The following SHROOM3 variants were observed in gnomAD, a reference collection of about 807,000 sequenced individuals.
SHROOM3 encodes the protein protein Shroom3.
SHROOM3 carries 47 observed loss-of-function variants against 138.6 expected under a neutral mutation model. The ratio of observed to expected loss-of-function variants is 0.34; its 90% CI spans 0.27 to 0.43. SHROOM3 has a LOEUF of 0.43. SHROOM3 is among the 20% of genes least tolerant of loss of function. The pLI, the probability that SHROOM3 is intolerant of heterozygous loss-of-function variation, is 1.00. For missense variants in SHROOM3, 2,491 were observed against 2,596.5 expected (o/e 0.96, Z 0.88); for synonymous variants, 1,062 against 1,063.3 (o/e 1.00, Z 0.02).
intron 1 of SHROOM3, among the ~76,000 whole-genome samples, chr4:76,507,787 G>C (rs1381042802): frequency 6.6e-6 from 1 of 151,834 alleles, no homozygotes; most frequent in Non-Finnish European, 1.5e-5. Context: ...CTCGTGATCT[G>C]CCAGCCTCGG....
At chr4:76,651,259 G>A (rs1480723070) in intron 2 of SHROOM3, among the ~76,000 whole-genome samples, 2 of 151,534 alleles carry the variant, frequency 1.3e-5, no homozygotes, top group African/African-American at 4.9e-5. Context: ...ACTTAATCGT[G>A]TATTTTAAAA....
rs776729084 is a variant in SHROOM3, at chr4:76,555,764, G to A, written c.323+1G>A. 1 of 1,611,906 alleles carries A rather than the reference G, an allele frequency of 6.2e-7. No homozygotes were observed. Among genetic ancestry groups the A allele is most frequent in the Non-Finnish European group, 8.5e-7 (1 of 1,179,926 alleles). On this transcript the variant is annotated splice_donor_variant, in intron 2 of 10. Transcript: ENST00000296043. LOFTEE classifies it high-confidence loss of function. Reference sequence around the variant, plus strand: ...AGACCCTCAGGCTGGTAGTGCGCAGGTAGGTGGCAGACCCCCACCCTGTCC... The same window carrying A: ...AGACCCTCAGGCTGGTAGTGCGCAGATAGGTGGCAGACCCCCACCCTGTCC...
intron 3 of SHROOM3, 62 bp downstream of exon 3, chr4:76,710,349 C>CA: frequency 6.2e-7 from 1 of 1,602,120 alleles, no homozygotes; most frequent in Non-Finnish European, 8.5e-7. Flanking sequence ...AAAAGCCACT[C>CA]AGCTGCTGGG....
intron 1 of SHROOM3, among the ~76,000 whole-genome samples, chr4:76,483,541 T>G (rs1731662454): frequency 6.6e-6 from 1 of 152,242 alleles, no homozygotes; most frequent in South Asian, 2.1e-4. Flanking sequence ...ATTTTTACAC[T>G]GTTGGTGGGA....
At chr4:76,704,006 G>A (rs1285829019) in intron 2 of SHROOM3, among the ~76,000 whole-genome samples, 5 of 152,134 alleles carry the variant, frequency 3.3e-5, no homozygotes, top group East Asian at 3.8e-4. Flanking sequence ...AAAGCCTGCC[G>A]CTAATGAGAT....
intron 1 of SHROOM3, among the ~76,000 whole-genome samples, chr4:76,470,990 G>C (rs1731357606): frequency 6.6e-6 from 1 of 152,074 alleles, no homozygotes; most frequent in South Asian, 2.1e-4. Context: ...ACAAAAATTA[G>C]GGGGTGTGTG....
At chr4:76,762,696 T>G (rs758329547) in intron 9 of SHROOM3, among the ~76,000 whole-genome samples, 1 of 152,224 alleles carries the variant, frequency 6.6e-6, no homozygotes, top group African/African-American at 2.4e-5. Context: ...AGAACACACC[T>G]TCTCTGTTTC....
At chr4:76,500,505 C>T (rs1560525730) in intron 1 of SHROOM3, among the ~76,000 whole-genome samples, 1 of 152,176 alleles carries the variant, frequency 6.6e-6, no homozygotes, top group Non-Finnish European at 1.5e-5. Flanking sequence ...ATAGGATAAT[C>T]TGTTCAGCTT....
chr4:76,708,131 T>A (rs1392175881), intron 2 of SHROOM3, among the ~76,000 whole-genome samples: 1 of 152,158 alleles, frequency 6.6e-6, no homozygotes, highest in East Asian at 1.9e-4. Flanking sequence ...ACAACATGGT[T>A]TTGGGGGCAG....
Position 76,741,338 on chromosome 4 carries a change from C to G in SHROOM3, c.3165C>G (p.Ala1055=), listed in dbSNP as rs767865258. 5 of 1,610,550 alleles carry G rather than the reference C, an allele frequency of 3.1e-6. No homozygotes were observed. The highest frequency in any genetic ancestry group is 4.2e-6 in the Non-Finnish European group (5 of 1,179,050). ...NGMRFPESSV[A]DRRRLFERDG... ...TGCGTTTCCCGGAGAGCAGCGTGGCCGACCGGCGCCGTCTCTTCGAGCGCG... is the reference window on the plus strand; with the variant it reads ...TGCGTTTCCCGGAGAGCAGCGTGGCGGACCGGCGCCGTCTCTTCGAGCGCG... The change falls in exon 5 of 11, where the codon GCC becomes GCG. Residue 1055 remains alanine, a synonymous_variant. Coordinates refer to ENST00000296043, the MANE Select transcript of SHROOM3 (RefSeq NM_020859.4). This position sits in a 1 kb window ranked among gnomAD's most constrained non-coding sequence, Gnocchi z 6.2.
At chr4:76,553,299 G>A (rs182499142) in intron 1 of SHROOM3, among the ~76,000 whole-genome samples, 10 of 151,454 alleles carry the variant, frequency 6.6e-5, no homozygotes, top group Admixed American at 3.3e-4. Context: ...TTTTTGAGAC[G>A]GGGTCTCGCT....
At chr4:76,484,931 T>C (rs1731697342) in intron 1 of SHROOM3, among the ~76,000 whole-genome samples, 1 of 152,146 alleles carries the variant, frequency 6.6e-6, no homozygotes, top group East Asian at 1.9e-4. Context: ...CTGCTGACCC[T>C]TTCTGCTCTG....
At chr4:76,753,935 T>C (rs894966149) in intron 6 of SHROOM3, among the ~76,000 whole-genome samples, 4 of 152,228 alleles carry the variant, frequency 2.6e-5, no homozygotes, top group Non-Finnish European at 5.9e-5. Context: ...CTGGGAGCTA[T>C]TTCCTGAAGT....
chr4:76,462,840 A>C (rs1343549485), intron 1 of SHROOM3, among the ~76,000 whole-genome samples: 3 of 151,816 alleles, frequency 2.0e-5, no homozygotes, highest in Non-Finnish European at 4.4e-5. Flanking sequence ...AAATTTCCTG[A>C]GGCCGCCCAG....
At chr4:76,452,846 T>C (rs578189336) in intron 1 of SHROOM3, among the ~76,000 whole-genome samples, 2 of 152,260 alleles carry the variant, frequency 1.3e-5, no homozygotes, top group African/African-American at 4.8e-5. Context: ...GCCTCCCAAG[T>C]AACTGGGATT....
intron 2 of SHROOM3, among the ~76,000 whole-genome samples, chr4:76,590,281 C>T (rs1342710990): frequency 6.6e-6 from 1 of 152,184 alleles, no homozygotes; most frequent in Non-Finnish European, 1.5e-5. Context: ...AAGACCTGAT[C>T]ATTTAGTTTA....
chr4:76,442,240 A>G (rs1225353018), intron 1 of SHROOM3, among the ~76,000 whole-genome samples: 1 of 152,218 alleles, frequency 6.6e-6, no homozygotes, highest in African/African-American at 2.4e-5. Flanking sequence ...GAAAATTAGC[A>G]ATCATGTAAT....
intron 10 of SHROOM3, among the ~76,000 whole-genome samples, chr4:76,772,523 C>A (rs1722397667): frequency 6.6e-6 from 1 of 152,188 alleles, no homozygotes; most frequent in African/African-American, 2.4e-5. Context: ...TAGAAAAAGT[C>A]TGGATCCTAA....
intron 2 of SHROOM3, among the ~76,000 whole-genome samples, chr4:76,699,460 A>G (rs1719843276): frequency 6.6e-6 from 1 of 152,192 alleles, no homozygotes. Flanking sequence ...ACATGAGAAA[A>G]TAGTAGCCCA....
Sources: allele counts gnomAD v4.1 joint callset (sites outside exome capture counted in the v4.1 genomes callset), GRCh38; gene constraint gnomAD v4.1.1; non-coding constraint Gnocchi (gnomAD v3.1); transcripts MANE v1.5; gene names NCBI Gene and HGNC (gene_info 2026-07-23, HGNC 2026-07-21).